ROBO2: variants seen among roughly 807,000 people sequenced by gnomAD.
The protein encoded by ROBO2 is roundabout homolog 2.
ROBO2 carries 53 observed loss-of-function variants against 160.8 expected under a neutral mutation model. The observed-to-expected ratio is 0.33, with a 90% CI of 0.26 to 0.41. The LOEUF (loss-of-function observed/expected upper bound fraction) is 0.41. ROBO2 is among the 10% of genes least tolerant of loss of function. The pLI, the probability that ROBO2 is intolerant of heterozygous loss-of-function variation, is 1.00. For synonymous variants in ROBO2, 664 were observed against 611.7 expected, an observed-to-expected ratio of 1.09 and a Z score of -1.26; for missense variants, 1,577 against 1,722.4, an observed-to-expected ratio of 0.92 and a Z score of 1.49.
chr3:77,250,446 C>T (rs6808254), intron 2 of ROBO2, among the ~76,000 whole-genome samples: 3,841 of 152,256 alleles, frequency 0.025, 169 homozygotes, highest in African/African-American at 0.086. Flanking sequence ...CTCCTTCACA[C>T]CTTCTCCTGC....
At position 76,812,909 on chromosome 3, in the gene ROBO2, A is replaced by ATTTTTT. The variant is rs71104626; in HGVS notation, c.110-285084_110-285079dup. ...AAAGTGTCCTGGCACAGAAGTATAA[A>ATTTTTT]TTTTTTTTTTTTTTTTTTTTTTTTT... On this transcript the variant is annotated intron_variant, in intron 2 of 26. Transcript: ENST00000487694. Among the ~76,000 whole-genome samples, 58 of 104,654 alleles carry ATTTTTT rather than the reference A, an allele frequency of 5.5e-4. 2 individuals carry two copies. The highest frequency in any genetic ancestry group is 1.9e-3 in the African/African-American group (51 of 27,536). The allele number at this position is 104,654 out of a possible 152,430, so 68.7% of individuals were successfully genotyped here. A position where few individuals can be genotyped will look rare whatever the true frequency, so the allele number is the denominator to read the frequency against.
At chr3:76,107,110 T>C (rs77115921) in intron 2 of ROBO2, among the ~76,000 whole-genome samples, 3,981 of 152,200 alleles carry the variant, frequency 0.026, 158 homozygotes, top group African/African-American at 0.083. Context: ...ACATTCTCAT[T>C]TGAAGCTCAC....
intron 2 of ROBO2, among the ~76,000 whole-genome samples, chr3:77,337,667 T>A (rs1308588682): frequency 6.6e-6 from 1 of 152,166 alleles, no homozygotes; most frequent in East Asian, 1.9e-4. Context: ...GCTATTTCTT[T>A]AGGCCTACAT....
chr3:77,648,986 C>G (rs1414095792), exon 26 of ROBO2: 1 of 152,172 alleles, frequency 6.6e-6, no homozygotes, highest in Admixed American at 6.5e-5. Context: ...CAGGAAACGT[C>G]TTCTTTGGGA....
chr3:76,006,816 C>T (rs2066030918), intron 2 of ROBO2, among the ~76,000 whole-genome samples: 1 of 151,950 alleles, frequency 6.6e-6, no homozygotes, highest in African/African-American at 2.4e-5. Flanking sequence ...TCCTAAAATG[C>T]AGACTATCCT....
chr3:77,045,067 G>A (rs2064507831), intron 1 of ROBO2, among the ~76,000 whole-genome samples: 1 of 152,102 alleles, frequency 6.6e-6, no homozygotes, highest in South Asian at 2.1e-4. Context: ...GAGGCGGGCG[G>A]TAGGGAAAGT....
At position 76,946,448 on chromosome 3, in the gene ROBO2, A is replaced by AT. The variant is rs201117387; in HGVS notation, c.110-151559dup. 4.8e-3 allele frequency among the ~76,000 whole-genome samples: 733 copies of AT among 151,334 alleles called. 24 individuals are homozygous for AT. The highest frequency in any genetic ancestry group is 0.041 in the Admixed American group (627 of 15,184). On this transcript the variant is annotated intron_variant, in intron 2 of 26. Coordinates refer to the ROBO2 transcript ENST00000487694. ...TGTTTGTTTTTTGTTTGTTTGTTTT[A>AT]TTTTTTTGAGATGGAGTCTTACTCT...
intron 2 of ROBO2, among the ~76,000 whole-genome samples, chr3:76,868,561 G>A (rs527855411): frequency 3.2e-4 from 48 of 152,166 alleles, no homozygotes; most frequent in Middle Eastern, 6.8e-3. Flanking sequence ...TTATCAAATT[G>A]GATCTAAGTT....
At chr3:76,312,682 T>G (rs2071679219) in intron 2 of ROBO2, among the ~76,000 whole-genome samples, 1 of 152,226 alleles carries the variant, frequency 6.6e-6, no homozygotes, top group African/African-American at 2.4e-5. Flanking sequence ...CTTTAGTAGC[T>G]TAGGATTTAG....
intron 2 of ROBO2, among the ~76,000 whole-genome samples, chr3:76,868,459 T>G (rs1264852133): frequency 6.6e-6 from 1 of 152,232 alleles, no homozygotes; most frequent in Non-Finnish European, 1.5e-5. Flanking sequence ...CGTTCATTAA[T>G]ACATTAAAAT....
In ROBO2 at chr3:77,137,960, G is replaced by C. The variant is rs180933248; in HGVS notation, c.388+39620G>C. 1.7e-3 allele frequency among the ~76,000 whole-genome samples: 264 copies of C among 152,216 alleles called. 2 individuals are homozygous for C. Among genetic ancestry groups the C allele is most frequent in the African/African-American group, 6.0e-3 (249 of 41,542 alleles). On this transcript the variant is annotated intron_variant, in intron 2 of 25. Coordinates refer to ENST00000461745, the Ensembl canonical transcript of ROBO2. The stretch of plus-strand genomic sequence containing the variant: ...CAAGCAAATGCAGTTAAATTTAACA[G>C]AATTTTTTTTTTCAATATGCCAGAC...
chr3:76,608,134 TA>T (rs1439985407), intron 2 of ROBO2, among the ~76,000 whole-genome samples: 2 of 152,258 alleles, frequency 1.3e-5, no homozygotes, highest in African/African-American at 2.4e-5. Flanking sequence ...ATCCATTTCA[TA>T]ATCCAATTTC....
At chr3:76,234,586 T>G (rs1177782224) in intron 2 of ROBO2, among the ~76,000 whole-genome samples, 1 of 152,214 alleles carries the variant, frequency 6.6e-6, no homozygotes. Context: ...CTGACTGGTT[T>G]GAGATGGTAT....
intron 2 of ROBO2, among the ~76,000 whole-genome samples, chr3:77,365,361 C>T (rs1020062705): frequency 1.3e-5 from 2 of 151,980 alleles, no homozygotes; most frequent in African/African-American, 4.8e-5. Flanking sequence ...CAGGAAACAC[C>T]CTCAGAGGGG....
intron 2 of ROBO2, among the ~76,000 whole-genome samples, chr3:76,644,565 C>T (rs193291821): frequency 1.4e-4 from 22 of 152,240 alleles, no homozygotes; most frequent in African/African-American, 3.1e-4. Flanking sequence ...CTCCTGATCA[C>T]GAATTCATAT....
chr3:76,732,494 AGCTGACCAATAG>A (rs2093651953), intron 2 of ROBO2, among the ~76,000 whole-genome samples: 1 of 152,232 alleles, frequency 6.6e-6, no homozygotes, highest in African/African-American at 2.4e-5. Context: ...TGGGAACTGA[AGCTGACCAATAG>A]GCTGGGAAAT....
At chr3:76,833,565 T>G (rs1217238644) in intron 2 of ROBO2, among the ~76,000 whole-genome samples, 1 of 152,182 alleles carries the variant, frequency 6.6e-6, no homozygotes, top group Non-Finnish European at 1.5e-5. Context: ...TAAAGAGATA[T>G]CCACTAAACT....
rs1580883255 is a variant in ROBO2 at position 77,303,081 on chromosome 3, T to G, written c.389-174333T>G. 3.3e-5 allele frequency among the ~76,000 whole-genome samples: 5 copies of G among 152,348 alleles called. No homozygotes were observed. The South Asian group carries it at 1.0e-3, about 32-fold the overall frequency. ...CATAGACGGATTTCATGGGATTTAATGTGCTACCAAATGCAAAGATAGAAC... is the reference window on the plus strand; with the variant it reads ...CATAGACGGATTTCATGGGATTTAAGGTGCTACCAAATGCAAAGATAGAAC... On this transcript the variant is annotated intron_variant, in intron 2 of 25. Transcript: ENST00000461745.
At chr3:76,451,493 G>T (rs1420917530) in intron 2 of ROBO2, among the ~76,000 whole-genome samples, 1 of 152,054 alleles carries the variant, frequency 6.6e-6, no homozygotes, top group Non-Finnish European at 1.5e-5. Flanking sequence ...TACTATAGAA[G>T]ATTTCTTCAA....
Sources: gnomAD v4.1 joint callset for allele counts (sites outside exome capture counted in the v4.1 genomes callset) on GRCh38, gnomAD v4.1.1 for gene constraint, MANE v1.5 for transcripts, NCBI Gene and HGNC (gene_info 2026-07-23, HGNC 2026-07-21) for gene names.